Variants in LRP1B observed in about 807,000 individuals in gnomAD.
LRP1B encodes the protein LDL receptor related protein 1B, also known as low-density lipoprotein receptor-related protein 1B.
Under a neutral mutation model 556.6 loss-of-function variants are expected in LRP1B, and 217 were observed. The observed-to-expected ratio is 0.39, with a 90% CI of 0.35 to 0.44. The LOEUF is 0.44. Among genes scored for constraint, LRP1B ranks in the 20% least tolerant of loss-of-function variants. LRP1B has a pLI of 1.00. For missense variants in LRP1B, 5,053 were observed against 5,620.8 expected (o/e 0.90, Z 3.23); for synonymous variants, 2,047 against 1,865.8 (o/e 1.10, Z -2.50).
intron 3 of LRP1B, among the ~76,000 whole-genome samples, chr2:141,443,894 A>G (rs1458906533): frequency 6.6e-6 from 1 of 152,082 alleles, no homozygotes; most frequent in Non-Finnish European, 1.5e-5. Context: ...TTTGCTTAGG[A>G]TTGTCTTGGA....
At chr2:141,855,436 G>A (rs1056246534) in intron 1 of LRP1B, among the ~76,000 whole-genome samples, 1 of 152,098 alleles carries the variant, frequency 6.6e-6, no homozygotes, top group African/African-American at 2.4e-5. Flanking sequence ...TTGAGCAGAG[G>A]CTAGTGAGAA....
rs576308944 is a variant in LRP1B, at chr2:141,736,779, T to C, written c.205+73500A>G. Among the ~76,000 whole-genome samples the C allele has an allele frequency of 5.5e-4, 84 of 152,268 alleles. No individual in the cohort carries two copies. In the South Asian group the frequency reaches 0.017, roughly 31 times the overall value. On this transcript the variant is annotated intron_variant, in intron 2 of 90. Transcript: ENST00000389484. ...TCACCTTTTCTCAGGTTGGTAGCAG[T>C]TAAGGCATCTCCCTTCTTCAAAGGG...
intron 32 of LRP1B, among the ~76,000 whole-genome samples, chr2:140,792,675 G>GA (rs926963472): frequency 2.0e-5 from 3 of 151,766 alleles, no homozygotes; most frequent in East Asian, 1.9e-4. Context: ...AATTTAAAAA[G>GA]AAAAAAATAA....
intron 41 of LRP1B, among the ~76,000 whole-genome samples, chr2:140,620,050 C>A (rs1035197015): frequency 3.9e-5 from 6 of 152,100 alleles, no homozygotes; most frequent in African/African-American, 1.4e-4. Flanking sequence ...GTCTTTTCCT[C>A]TTTCTTCCAC....
At chr2:141,571,144 G>C (rs1245101713) in intron 2 of LRP1B, among the ~76,000 whole-genome samples, 3 of 149,004 alleles carry the variant, frequency 2.0e-5, no homozygotes, top group Non-Finnish European at 4.5e-5. Flanking sequence ...CTATACAGGA[G>C]TGATCCTATT....
chr2:140,346,008 C>T (rs916500007), intron 77 of LRP1B, among the ~76,000 whole-genome samples: 2 of 150,550 alleles, frequency 1.3e-5, no homozygotes, highest in Admixed American at 1.3e-4. Flanking sequence ...TCCTTTAATA[C>T]ATTTTAAACA....
chr2:140,776,255 T>A lies in LRP1B; in HGVS notation c.5360-17A>T. ...GTTTCTTATCTAGAAAAAGGAAAGATATTTTTTAAAGGAAAGTATAATTAT... is the reference window on the plus strand; with the variant it reads ...GTTTCTTATCTAGAAAAAGGAAAGAAATTTTTTAAAGGAAAGTATAATTAT... On this transcript the variant is annotated splice_polypyrimidine_tract_variant and intron_variant, in intron 32 of 90. Transcript: ENST00000389484. The A allele has an allele frequency of 1.9e-6, 3 of 1,548,004 alleles. No individual in the cohort carries two copies. The highest frequency in any genetic ancestry group is 2.6e-6 in the Non-Finnish European group (3 of 1,144,886).
chr2:140,721,830 G>A (rs35434674), intron 35 of LRP1B, among the ~76,000 whole-genome samples: 1 of 151,284 alleles, frequency 6.6e-6, no homozygotes, highest in African/African-American at 2.4e-5. Flanking sequence ...TACCGCAGGA[G>A]ACTTCCCTCT....
chr2:141,063,393 C>T (rs1312513866), intron 7 of LRP1B, among the ~76,000 whole-genome samples: 2 of 151,776 alleles, frequency 1.3e-5, no homozygotes, highest in Non-Finnish European at 2.9e-5. Flanking sequence ...AATTTTTAAA[C>T]ATTAGTGCAT....
At chr2:141,686,608 G>A (rs111233880) in intron 2 of LRP1B, among the ~76,000 whole-genome samples, 3 of 152,008 alleles carry the variant, frequency 2.0e-5, no homozygotes, top group African/African-American at 7.2e-5. Context: ...TGAATCTGGA[G>A]GGAAAAGAAC....
chr2:141,472,396 C>G (rs1682509472), intron 3 of LRP1B, among the ~76,000 whole-genome samples: 1 of 152,008 alleles, frequency 6.6e-6, no homozygotes, highest in African/African-American at 2.4e-5. Context: ...AAAAATTAGC[C>G]AAACGTGGTA....
intron 11 of LRP1B, among the ~76,000 whole-genome samples, chr2:141,041,355 A>G (rs973508493): frequency 6.6e-6 from 1 of 152,098 alleles, no homozygotes; most frequent in African/African-American, 2.4e-5. Flanking sequence ...GACTGGTTTC[A>G]CCGGGCTAAA....
chr2:141,922,077 C>T (rs914675676), intron 1 of LRP1B, among the ~76,000 whole-genome samples: 2 of 152,080 alleles, frequency 1.3e-5, no homozygotes, highest in Non-Finnish European at 2.9e-5. Flanking sequence ...CTAAAGAATT[C>T]AGGATCCATC....
At chr2:141,551,869 G>T (rs182255635) in intron 2 of LRP1B, among the ~76,000 whole-genome samples, 4 of 152,056 alleles carry the variant, frequency 2.6e-5, no homozygotes, top group African/African-American at 4.8e-5. Context: ...TGGTGTTCAG[G>T]AATATTCCTC....
intron 2 of LRP1B, among the ~76,000 whole-genome samples, chr2:141,608,716 G>T (rs986088310): frequency 7.2e-5 from 11 of 152,078 alleles, no homozygotes; most frequent in Non-Finnish European, 1.5e-5. Flanking sequence ...TGATATAAAG[G>T]ATATATGGCC....
At chr2:141,045,107 C>T (rs937579322) in intron 11 of LRP1B, among the ~76,000 whole-genome samples, 1 of 146,570 alleles carries the variant, frequency 6.8e-6, no homozygotes. Context: ...ATGATGAGTT[C>T]ATGTCCTTTG....
At chr2:140,781,783 T>C (rs375267192) in intron 32 of LRP1B, among the ~76,000 whole-genome samples, 3 of 152,338 alleles carry the variant, frequency 2.0e-5, no homozygotes, top group East Asian at 3.9e-4. Context: ...CTGTAAAGTA[T>C]TTCAGACTAG....
chr2:141,898,551 G>A (rs956338984), intron 1 of LRP1B, among the ~76,000 whole-genome samples: 3 of 152,080 alleles, frequency 2.0e-5, no homozygotes, highest in Admixed American at 6.6e-5. Context: ...AAGAAAAGGA[G>A]AATGAAACCA....
intron 18 of LRP1B, among the ~76,000 whole-genome samples, chr2:140,980,119 AG>A (rs1466938101): frequency 1.3e-5 from 2 of 152,124 alleles, no homozygotes; most frequent in African/African-American, 4.8e-5. Context: ...AGAAAAAAAG[AG>A]AAAATCAGAT....
Sources: gnomAD v4.1 joint callset for allele counts (sites outside exome capture counted in the v4.1 genomes callset) on GRCh38, gnomAD v4.1.1 for gene constraint, MANE v1.5 for transcripts, NCBI Gene and HGNC (gene_info 2026-07-23, HGNC 2026-07-21) for gene names.